Variants in KALRN observed in about 807,000 individuals in gnomAD.
KALRN encodes the protein kalirin.
Under a neutral mutation model 353.7 loss-of-function variants are expected in KALRN, and 70 were observed. That is an observed-to-expected ratio of 0.20 (90% CI 0.16 to 0.24). The LOEUF (loss-of-function observed/expected upper bound fraction) is 0.24. Ranked by LOEUF, KALRN falls within the 10% of genes least tolerant of loss-of-function variation. KALRN has a pLI of 1.00. For missense variants in KALRN, 2,791 were observed against 3,756.7 expected, an observed-to-expected ratio of 0.74 and a Z score of 6.72; for synonymous variants, 1,391 against 1,434.8, an observed-to-expected ratio of 0.97 and a Z score of 0.69.
intron 1 of KALRN, among the ~76,000 whole-genome samples, chr3:124,195,929 C>T (rs1396253256): frequency 8.5e-5 from 13 of 152,274 alleles, no homozygotes; most frequent in Admixed American, 8.5e-4. Context: ...GGAAGAAATT[C>T]ACAGAGGGAA....
intron 21 of KALRN, among the ~76,000 whole-genome samples, chr3:124,449,272 A>G (rs1351942081): frequency 6.6e-6 from 1 of 152,208 alleles, no homozygotes; most frequent in African/African-American, 2.4e-5. Flanking sequence ...TGTGGTCCAA[A>G]GGAACAGACC....
At chr3:124,403,525 G>A in intron 13 of KALRN, among the ~76,000 whole-genome samples, 1 of 152,150 alleles carries the variant, frequency 6.6e-6, no homozygotes, top group East Asian at 1.9e-4. Context: ...TATTTGAGTA[G>A]GGAATGATAT....
At chr3:124,410,206 C>G in intron 13 of KALRN, 1 of 532,958 alleles carries the variant, frequency 1.9e-6, no homozygotes. Context: ...TCTCCCTCAC[C>G]AGGACCGTCG....
In KALRN at chr3:124,091,958, T is replaced by A. The variant is rs888906769; in HGVS notation, c.73+58145T>A. Among the ~76,000 whole-genome samples the A allele has an allele frequency of 2.0e-5, 3 of 152,280 alleles. No individual in the cohort carries two copies. The South Asian group carries it at 6.2e-4, about 32-fold the overall frequency. Reference sequence around the variant, plus strand: ...GGGGCTGCATTTCAAGTAAGACTTATGAGGCTCTGTGGGAGATGGAGAAAT... The same window carrying A: ...GGGGCTGCATTTCAAGTAAGACTTAAGAGGCTCTGTGGGAGATGGAGAAAT... On this transcript the variant is annotated intron_variant, in intron 1 of 59. Coordinates refer to ENST00000682506, the MANE Select transcript of KALRN (RefSeq NM_001388419.1).
intron 1 of KALRN, among the ~76,000 whole-genome samples, chr3:124,154,858 C>G (rs529674188): frequency 6.6e-6 from 1 of 152,300 alleles, no homozygotes; most frequent in South Asian, 2.1e-4. Context: ...TGACTTCAAA[C>G]TATACTACAA....
intron 21 of KALRN, among the ~76,000 whole-genome samples, chr3:124,454,181 A>AACTCTTAAAT (rs761401681): frequency 6.6e-6 from 1 of 152,262 alleles, no homozygotes; most frequent in Non-Finnish European, 1.5e-5. Context: ...GGACAGAGTT[A>AACTCTTAAAT]ACTCTTAAAT....
chr3:124,297,175 T>A (rs2076913491), intron 5 of KALRN, among the ~76,000 whole-genome samples: 1 of 152,218 alleles, frequency 6.6e-6, no homozygotes, highest in South Asian at 2.1e-4. Context: ...TGGTTGAATG[T>A]AATTGAAGTA....
In KALRN at chr3:124,717,398, G is replaced by A; in HGVS notation, c.8415+13G>A. On this transcript the variant is annotated intron_variant, in intron 59 of 59. Transcript: ENST00000682506. ...TTTGGACATAAAGGTAATAAGAAGT[G>A]GCAACCTGCTGGGCGCAGTGGCTCA... The A allele has an allele frequency of 1.3e-6, 2 of 1,581,508 alleles. No homozygotes were observed. The highest frequency in any genetic ancestry group is 1.2e-5 in the South Asian group (1 of 85,934).
chr3:124,443,249 T>C (rs2093724685), intron 19 of KALRN, among the ~76,000 whole-genome samples: 1 of 152,114 alleles, frequency 6.6e-6, no homozygotes, highest in African/African-American at 2.4e-5. Flanking sequence ...AGCCTTTGAG[T>C]GAGTGAAGAG....
chr3:124,432,907 A>G (rs1056334980), intron 16 of KALRN, among the ~76,000 whole-genome samples: 1 of 152,232 alleles, frequency 6.6e-6, no homozygotes, highest in Admixed American at 6.5e-5. Flanking sequence ...TAGGATTTCT[A>G]GAAGATATTG....
At position 124,433,320 on chromosome 3, in the gene KALRN, G is replaced by A. The variant is rs139703888; in HGVS notation, c.2830-987G>A. On this transcript the variant is annotated intron_variant, in intron 16 of 59. Coordinates refer to ENST00000682506, the MANE Select transcript of KALRN (RefSeq NM_001388419.1). ...AAAAAAGAACTTCTGGTCAGATGTG[G>A]TGGTTCTTGCCTGTAATCCCAGCAC... is the stretch of plus-strand genomic sequence containing the variant. Among the ~76,000 whole-genome samples, 14 of 152,020 alleles carry A rather than the reference G, an allele frequency of 9.2e-5. No homozygotes were observed. The East Asian group carries it at 2.1e-3, about 23-fold the overall frequency.
intron 1 of KALRN, among the ~76,000 whole-genome samples, chr3:124,138,452 T>C (rs1432399969): frequency 1.3e-5 from 2 of 152,158 alleles, no homozygotes; most frequent in African/African-American, 4.8e-5. Flanking sequence ...GTGCTCAGAA[T>C]ATCTGACAAA....
intron 9 of KALRN, among the ~76,000 whole-genome samples, chr3:124,345,690 C>T (rs1312071902): frequency 1.3e-5 from 2 of 152,212 alleles, no homozygotes; most frequent in African/African-American, 4.8e-5. Context: ...TGGACAATTA[C>T]TCCGCCTGTC....
Position 124,138,133 on chromosome 3 carries a change from G to A in KALRN, c.74-89857G>A, listed in dbSNP as rs78590967. On this transcript the variant is annotated intron_variant, in intron 1 of 59. Coordinates refer to ENST00000682506, the MANE Select transcript of KALRN (RefSeq NM_001388419.1). ...TGGTTTCAGGCATCTCCCACAATTT[G>A]TGCCACTTCCACCACCCTCCTGCAG... is the stretch of plus-strand genomic sequence containing the variant. Among the ~76,000 whole-genome samples the A allele has an allele frequency of 7.1e-4, 108 of 152,248 alleles. No homozygotes were observed. The South Asian group carries it at 0.014, about 20-fold the overall frequency.
At chr3:124,138,629 C>A (rs151315439) in intron 1 of KALRN, among the ~76,000 whole-genome samples, 85 of 152,272 alleles carry the variant, frequency 5.6e-4, no homozygotes, top group African/African-American at 1.9e-3. Flanking sequence ...CATATTCTCT[C>A]CCTCCACCTT....
Position 124,650,925 on chromosome 3 carries a change from C to G in KALRN, c.5782C>G (p.Leu1928Val), listed in dbSNP as rs770782461. Reference sequence around the variant, plus strand: ...AGAAGAAGAACAGAAAGCCAAGGCCCTGAGAGGCAGGATGTAAGTGGCTTC... The same window carrying G: ...AGAAGAAGAACAGAAAGCCAAGGCCGTGAGAGGCAGGATGTAAGTGGCTTC... ...NPEEEQKAKA[L>V]RGRMFVLNEL... The change falls in exon 38 of 60, where the codon CTG becomes GTG. Residue 1928 changes from leucine to valine, a missense_variant. Physicochemically the swap from Leu to Val is conservative, Grantham distance 32. Around this residue, in one of 11 missense-constraint regions of KALRN, gnomAD observed 1,065 missense variants for 1,156.4 expected, o/e 0.92. Transcript: ENST00000682506. 6 of 1,614,150 alleles carry G rather than the reference C, an allele frequency of 3.7e-6. 2 individuals are homozygous for G. In the South Asian group the frequency reaches 5.5e-5, roughly 15 times the overall value.
At chr3:124,331,048 C>T (rs1486380292) in intron 8 of KALRN, among the ~76,000 whole-genome samples, 1 of 152,190 alleles carries the variant, frequency 6.6e-6, no homozygotes, top group African/African-American at 2.4e-5. Flanking sequence ...CCTGGCTCTC[C>T]TATTTACTAG....
At chr3:124,096,435 C>T (rs1206204230) in intron 1 of KALRN, among the ~76,000 whole-genome samples, 1 of 152,108 alleles carries the variant, frequency 6.6e-6, no homozygotes, top group Non-Finnish European at 1.5e-5. Flanking sequence ...TAACCGGGAA[C>T]TAAGAAAAGT....
intron 1 of KALRN, among the ~76,000 whole-genome samples, chr3:124,090,241 G>A (rs1383422238): frequency 6.6e-6 from 1 of 152,086 alleles, no homozygotes; most frequent in Admixed American, 6.5e-5. Flanking sequence ...TTAACAAGGT[G>A]GTTTAGAGCC....
Sources: gnomAD v4.1 joint callset for allele counts (sites outside exome capture counted in the v4.1 genomes callset) on GRCh38, gnomAD v4.1.1 for gene constraint, gnomAD v4.1.1 regional missense constraint, MANE v1.5 for transcripts, NCBI Gene and HGNC (gene_info 2026-07-23, HGNC 2026-07-21) for gene names.